Variants in MRPS28 observed in about 807,000 individuals in gnomAD.
MRPS28 encodes small ribosomal subunit protein bS1m.
A neutral mutation model predicts 10.8 loss-of-function variants in MRPS28; 7 were observed. That is an observed-to-expected ratio of 0.65 (90% CI 0.37 to 1.22). The LOEUF (loss-of-function observed/expected upper bound fraction) is 1.22, where lower values mean the gene tolerates loss of function less well. MRPS28 is among the 50% of genes most tolerant of loss of function. The pLI is 0.02. For synonymous variants in MRPS28, 121 were observed against 93.3 expected, an observed-to-expected ratio of 1.30 and a Z score of -1.71; for missense variants, 265 against 232.9, an observed-to-expected ratio of 1.14 and a Z score of -0.90.
chr8:79,968,737 A>G (rs1807560601), intron 2 of MRPS28, among the ~76,000 whole-genome samples: 1 of 151,790 alleles, frequency 6.6e-6, no homozygotes, highest in Non-Finnish European at 1.5e-5. Flanking sequence ...AAAAAGAATC[A>G]GTTCAATTGT....
intron 2 of MRPS28, among the ~76,000 whole-genome samples, chr8:79,964,302 C>T (rs1807449436): frequency 6.6e-6 from 1 of 151,988 alleles, no homozygotes; most frequent in African/African-American, 2.4e-5. Context: ...AGGCCCACTT[C>T]CCAAAGTAGT....
At chr8:79,995,330 G>A (rs887190379) in intron 2 of MRPS28, among the ~76,000 whole-genome samples, 2 of 152,130 alleles carry the variant, frequency 1.3e-5, no homozygotes, top group African/African-American at 4.8e-5. Context: ...TGCATTACAA[G>A]GCATCCAAAC....
chr8:79,990,750 G>C (rs953561880), intron 2 of MRPS28, among the ~76,000 whole-genome samples: 79 of 151,774 alleles, frequency 5.2e-4, no homozygotes, highest in African/African-American at 1.8e-3. Flanking sequence ...AGCACTCTGG[G>C]AGGCCGAGGC....
chr8:80,006,001 T>C (rs925530986), intron 1 of MRPS28, among the ~76,000 whole-genome samples: 1 of 152,134 alleles, frequency 6.6e-6, no homozygotes, highest in Non-Finnish European at 1.5e-5. Flanking sequence ...CTTAGAGACC[T>C]ACAAAGAGAC....
chr8:79,970,510 T>A (rs546006651), intron 2 of MRPS28, among the ~76,000 whole-genome samples: 1 of 152,328 alleles, frequency 6.6e-6, no homozygotes, highest in East Asian at 1.9e-4. Context: ...TATGTTTTGC[T>A]CATCTAAATT....
intron 2 of MRPS28, among the ~76,000 whole-genome samples, chr8:79,944,713 T>TTTTTTA (rs1806861915): frequency 6.6e-6 from 1 of 150,682 alleles, no homozygotes. Flanking sequence ...TTTTTTTTTT[T>TTTTTTA]GAGACAAGGT....
At chr8:80,029,940 C>A (rs1809608868) in intron 1 of MRPS28, 96 bp downstream of exon 1, 4 of 1,539,100 alleles carry the variant, frequency 2.6e-6, no homozygotes, top group Admixed American at 2.0e-5. Context: ...GACCTCAGCT[C>A]CCCTTCCTAA....
chr8:80,025,937 C>T (rs562048952), intron 1 of MRPS28, among the ~76,000 whole-genome samples: 2 of 152,222 alleles, frequency 1.3e-5, no homozygotes, highest in South Asian at 2.1e-4. Flanking sequence ...TATAGCAATA[C>T]TTAGCTTATA....
chr8:79,984,323 C>G (rs865995628), intron 2 of MRPS28, among the ~76,000 whole-genome samples: 1 of 152,176 alleles, frequency 6.6e-6, no homozygotes, highest in African/African-American at 2.4e-5. Context: ...CATAATCATG[C>G]CAAATTGTAA....
At chr8:79,997,204 C>T (rs960442028) in intron 2 of MRPS28, among the ~76,000 whole-genome samples, 1 of 152,108 alleles carries the variant, frequency 6.6e-6, no homozygotes, top group African/African-American at 2.4e-5. Flanking sequence ...GGGAAAAGTG[C>T]TCTGTATTTT....
Position 79,918,953 on chromosome 8 carries a change from G to C in MRPS28, c.*27C>G. The C allele has an allele frequency of 1.4e-6, 2 of 1,453,940 alleles. No homozygotes were observed. Among genetic ancestry groups the C allele is most frequent in the Non-Finnish European group, 9.1e-7 (1 of 1,096,492 alleles). The allele number at this position is 1,453,940 out of a possible 1,614,324, so 90.1% of individuals were successfully genotyped here. A position where few individuals can be genotyped will look rare whatever the true frequency, so the allele number is the denominator to read the frequency against. On this transcript the variant is annotated 3_prime_UTR_variant, in exon 3 of 3. Transcript: ENST00000276585. Reference sequence around the variant, plus strand: ...TTGATGAATAACTGACTTCAGCAAAGGAGTCAATCCACTAAGCAAAGTTCA... The same window carrying C: ...TTGATGAATAACTGACTTCAGCAAACGAGTCAATCCACTAAGCAAAGTTCA...
chr8:79,987,497 G>A (rs1278386431), intron 2 of MRPS28, among the ~76,000 whole-genome samples: 5 of 151,758 alleles, frequency 3.3e-5, no homozygotes, highest in Admixed American at 6.6e-5. Context: ...GCAACCTACA[G>A]AATGGGAGAA....
chr8:79,986,963 G>C (rs186001400), intron 2 of MRPS28, among the ~76,000 whole-genome samples: 4 of 152,082 alleles, frequency 2.6e-5, no homozygotes, highest in Admixed American at 6.5e-5. Context: ...AGCCCACATC[G>C]CCAAGTCAAT....
chr8:80,014,564 G>A (rs1439669378), intron 1 of MRPS28, among the ~76,000 whole-genome samples: 1 of 152,172 alleles, frequency 6.6e-6, no homozygotes, highest in Non-Finnish European at 1.5e-5. Flanking sequence ...ACAGGTCTGT[G>A]CACTTAGAAT....
chr8:79,962,540 G>C (rs188158281), intron 2 of MRPS28, among the ~76,000 whole-genome samples: 1 of 152,026 alleles, frequency 6.6e-6, no homozygotes, highest in Non-Finnish European at 1.5e-5. Context: ...AAAACTTTTC[G>C]TCTATGTCCT....
At chr8:79,941,717 T>C (rs984004427) in intron 2 of MRPS28, among the ~76,000 whole-genome samples, 1 of 152,206 alleles carries the variant, frequency 6.6e-6, no homozygotes, top group African/African-American at 2.4e-5. Flanking sequence ...CGGTTTTAAA[T>C]GCTGAAAAGT....
intron 2 of MRPS28, among the ~76,000 whole-genome samples, chr8:79,997,963 A>G (rs1337120782): frequency 1.3e-5 from 2 of 151,956 alleles, no homozygotes; most frequent in Non-Finnish European, 2.9e-5. Flanking sequence ...GCTGAGGCAC[A>G]AGAATTGCTT....
At chr8:79,948,852 T>C (rs1011992710) in intron 2 of MRPS28, among the ~76,000 whole-genome samples, 3 of 152,206 alleles carry the variant, frequency 2.0e-5, no homozygotes, top group African/African-American at 7.2e-5. Flanking sequence ...TCAAAAGCTA[T>C]TTCTTGATTG....
chr8:80,012,910 C>T (rs1436702969), intron 1 of MRPS28, among the ~76,000 whole-genome samples: 1 of 152,102 alleles, frequency 6.6e-6, no homozygotes, highest in East Asian at 1.9e-4. Flanking sequence ...GCAACTAGTG[C>T]TAAAAGAATA....
Sources: allele counts gnomAD v4.1 joint callset (sites outside exome capture counted in the v4.1 genomes callset), GRCh38; gene constraint gnomAD v4.1.1; transcripts MANE v1.5; gene names NCBI Gene and HGNC (gene_info 2026-07-23, HGNC 2026-07-21).